The following OTOGL variants were observed in gnomAD, a reference collection of about 807,000 sequenced individuals.
OTOGL encodes otogelin-like protein.
In OTOGL, 285 loss-of-function variants were observed where a neutral mutation model predicts 318.5. That is an observed-to-expected ratio of 0.89 (90% CI 0.81 to 0.99). OTOGL has a LOEUF of 0.99. OTOGL is among the 50% of genes least tolerant of loss of function. The pLI is 0.00. For synonymous variants in OTOGL, 987 were observed against 936.5 expected (o/e 1.05, Z -0.99); for missense variants, 2,899 against 2,845.6 (o/e 1.02, Z -0.43).
chr12:80,365,149 T>C (rs1890450684), intron 52 of OTOGL, among the ~76,000 whole-genome samples: 1 of 152,094 alleles, frequency 6.6e-6, no homozygotes, highest in African/African-American at 2.4e-5. Context: ...ATTTCACTCC[T>C]AAATATGTAC....
At chr12:80,223,399 G>A (rs1190459007) in intron 7 of OTOGL, among the ~76,000 whole-genome samples, 1 of 151,904 alleles carries the variant, frequency 6.6e-6, no homozygotes, top group Non-Finnish European at 1.5e-5. Flanking sequence ...TGTGTATGCA[G>A]GTATCTTTTT....
At chr12:80,306,448 T>TA (rs1480948450) in intron 29 of OTOGL, among the ~76,000 whole-genome samples, 1 of 152,226 alleles carries the variant, frequency 6.6e-6, no homozygotes, top group Non-Finnish European at 1.5e-5. Context: ...TTTCAATTGA[T>TA]AAGAGTGTTT....
chr12:80,116,110 C>T (rs983798202), intron 1 of OTOGL, among the ~76,000 whole-genome samples: 1 of 152,204 alleles, frequency 6.6e-6, no homozygotes, highest in Non-Finnish European at 1.5e-5. Flanking sequence ...AAAGAAACTC[C>T]TGCAGCTAGC....
At chr12:80,278,401 G>A (rs1883968312) in intron 25 of OTOGL, 126 bp downstream of exon 25, 1 of 731,994 alleles carries the variant, frequency 1.4e-6, no homozygotes, top group Non-Finnish European at 2.2e-6. Context: ...ATAATTTAAA[G>A]GCCTGCAGGA....
chr12:80,328,971 C>T, intron 36 of OTOGL, 80 bp from the exon 37 acceptor site: 2 of 1,304,662 alleles, frequency 1.5e-6, no homozygotes, highest in Non-Finnish European at 1.1e-6. Context: ...TTCCTTGAAG[C>T]TAAAGAGTCC....
At chr12:80,372,951 T>A (rs1379195995) in intron 57 of OTOGL, among the ~76,000 whole-genome samples, 1 of 152,116 alleles carries the variant, frequency 6.6e-6, no homozygotes, top group African/African-American at 2.4e-5. Flanking sequence ...CCTCCCAAAG[T>A]GCTGGGATTA....
At chr12:80,296,643 A>G (rs936637383) in intron 26 of OTOGL, among the ~76,000 whole-genome samples, 184 bp from the exon 27 acceptor site, 1 of 152,190 alleles carries the variant, frequency 6.6e-6, no homozygotes, top group Non-Finnish European at 1.5e-5. Context: ...AGATTGAGCT[A>G]TCCTACTATA....
intron 9 of OTOGL, among the ~76,000 whole-genome samples, chr12:80,235,223 G>A (rs1565917616): frequency 6.6e-6 from 1 of 152,046 alleles, no homozygotes; most frequent in Non-Finnish European, 1.5e-5. Context: ...CCAGCACTTT[G>A]GAAGGCCGAG....
intron 29 of OTOGL, among the ~76,000 whole-genome samples, chr12:80,308,430 C>T (rs1156739649): frequency 2.0e-5 from 3 of 151,942 alleles, no homozygotes; most frequent in African/African-American, 7.3e-5. Flanking sequence ...AGAGATGCTC[C>T]TCACTTCCCA....
At chr12:80,139,639 G>A (rs929669403) in intron 1 of OTOGL, among the ~76,000 whole-genome samples, 2 of 152,050 alleles carry the variant, frequency 1.3e-5, no homozygotes, top group Non-Finnish European at 2.9e-5. Context: ...TCAAATTCAA[G>A]CTCTTTGAGG....
At chr12:80,162,027 C>T (rs956010862) in intron 1 of OTOGL, among the ~76,000 whole-genome samples, 2 of 152,098 alleles carry the variant, frequency 1.3e-5, no homozygotes, top group Admixed American at 1.3e-4. Flanking sequence ...TTAACAAATT[C>T]ACTTCCCCAG....
At chr12:80,248,802 G>C (rs1293153428) in intron 11 of OTOGL, among the ~76,000 whole-genome samples, 6 of 150,988 alleles carry the variant, frequency 4.0e-5, no homozygotes, top group South Asian at 4.2e-4. Context: ...TCAGGTACAC[G>C]AATCAGATGT....
chr12:80,227,578 T>C (rs1296307195), intron 7 of OTOGL, among the ~76,000 whole-genome samples: 2 of 152,198 alleles, frequency 1.3e-5, no homozygotes, highest in African/African-American at 4.8e-5. Context: ...AGCAAGGATC[T>C]GCTTGTTTCA....
In OTOGL at chr12:80,270,084, CTA is replaced by C; in HGVS notation, c.2466-16_2466-15del. On this transcript the variant is annotated splice_polypyrimidine_tract_variant and intron_variant, in intron 22 of 58. Transcript: ENST00000547103. Reference sequence around the variant, plus strand: ...CAACAGATTTGGTTCCATAAATTAACTATTTATTTACTTCTAGCCAGTGTTCA... The same window carrying C: ...CAACAGATTTGGTTCCATAAATTAACTTTATTTACTTCTAGCCAGTGTTCA... 1 of 1,542,442 alleles carries C rather than the reference CTA, an allele frequency of 6.5e-7. No individual in the cohort carries two copies. The highest frequency in any genetic ancestry group is 1.8e-5 in the Admixed American group (1 of 55,986).
chr12:80,219,792 T>TTA, intron 5 of OTOGL, 22 bp from the exon 6 acceptor site: 1 of 1,169,126 alleles, frequency 8.6e-7, no homozygotes, highest in Non-Finnish European at 1.2e-6. Flanking sequence ...GAAGATAACT[T>TTA]TTTTTTTTTT....
intron 24 of OTOGL, among the ~76,000 whole-genome samples, chr12:80,273,788 C>T (rs1034144265): frequency 2.0e-5 from 3 of 152,098 alleles, no homozygotes; most frequent in Admixed American, 1.3e-4. Context: ...TGCCATTTTC[C>T]AACAGCATGT....
intron 28 of OTOGL, among the ~76,000 whole-genome samples, chr12:80,304,498 T>C (rs1046595899): frequency 1.3e-5 from 2 of 152,186 alleles, no homozygotes; most frequent in Non-Finnish European, 2.9e-5. Flanking sequence ...CAACAATATC[T>C]TCTCAAAAAT....
At chr12:80,107,758 A>G (rs1444096776) in intron 1 of OTOGL, among the ~76,000 whole-genome samples, 5 of 152,204 alleles carry the variant, frequency 3.3e-5, no homozygotes, top group African/African-American at 7.2e-5. Context: ...ACCATGGAAT[A>G]CTACATAGCC....
intron 9 of OTOGL, among the ~76,000 whole-genome samples, chr12:80,234,756 C>T (rs1381515222): frequency 6.6e-6 from 1 of 152,126 alleles, no homozygotes; most frequent in African/African-American, 2.4e-5. Context: ...AAATGTTTTG[C>T]TCAAGATAGA....
Sources: gnomAD v4.1 joint callset for allele counts (sites outside exome capture counted in the v4.1 genomes callset) on GRCh38, gnomAD v4.1.1 for gene constraint, MANE v1.5 for transcripts, NCBI Gene and HGNC (gene_info 2026-07-23, HGNC 2026-07-21) for gene names.